The following MTM1 variants were observed in gnomAD, a reference collection of about 807,000 sequenced individuals.
The protein encoded by MTM1 is myotubularin 1.
In MTM1, 9 loss-of-function variants were observed where a neutral mutation model predicts 52.1. The observed-to-expected ratio is 0.17, with a 90% confidence interval of 0.10 to 0.30. The LOEUF (loss-of-function observed/expected upper bound fraction) is 0.30. Ranked by LOEUF, MTM1 falls within the 10% of genes least tolerant of loss-of-function variation. MTM1 has a pLI of 1.00. For synonymous variants in MTM1, 136 were observed against 163.8 expected (o/e 0.83, Z 1.29); for missense variants, 277 against 470.7 (o/e 0.59, Z 3.81).
At position 150,639,125 on chromosome X, in the gene MTM1, T is replaced by C. The variant is rs1361406259; in HGVS notation, c.528+99T>C. ...TGCTTTCTGAAAATCAGCGACATCC[T>C]TGCTAAATATCTTTTCAATGGTGGT... is the stretch of plus-strand genomic sequence containing the variant. On this transcript the variant is annotated intron_variant, in intron 7 of 14. Transcript: ENST00000370396. 5.0e-5 allele frequency: 34 copies of C among 679,720 alleles called. No homozygotes were observed. In the Admixed American group the frequency reaches 7.1e-4, roughly 14 times the overall value. The allele number at this position is 679,720 out of a possible 1,213,427, so 56.0% of individuals were successfully genotyped here. A position where few individuals can be genotyped will look rare whatever the true frequency, so the allele number is the denominator to read the frequency against.
At chrX:150,583,380 TATAATATAA>T (rs1569565319) in intron 1 of MTM1, among the ~76,000 whole-genome samples, 41 of 20,267 alleles carry the variant, frequency 2.0e-3, no homozygotes, top group Middle Eastern at 0.091. Context: ...ATATATTATA[TATAATATAA>T]TATATATAAA....
intron 6 of MTM1, among the ~76,000 whole-genome samples, chrX:150,626,389 C>T (rs1226495173): frequency 9.0e-6 from 1 of 111,600 alleles, no homozygotes; most frequent in African/African-American, 3.3e-5. Context: ...TCTCGGCTCA[C>T]TGCAACCTTC....
chrX:150,632,656 G>C (rs1438824950), intron 6 of MTM1, among the ~76,000 whole-genome samples: 1 of 111,092 alleles, frequency 9.0e-6, no homozygotes, highest in Non-Finnish European at 1.9e-5. Flanking sequence ...GCTTGAAGTG[G>C]GGCAATGGAC....
intron 1 of MTM1, among the ~76,000 whole-genome samples, chrX:150,578,023 T>A (rs2038503517): frequency 8.9e-6 from 1 of 111,801 alleles, no homozygotes; most frequent in Non-Finnish European, 1.9e-5. Flanking sequence ...GACTAGAATA[T>A]GGAAAAAGTG....
chrX:150,623,492 T>C (rs1215981276), intron 6 of MTM1, among the ~76,000 whole-genome samples: 2 of 111,063 alleles, frequency 1.8e-5, no homozygotes, highest in Admixed American at 1.9e-4. Flanking sequence ...GGAAGCATAG[T>C]TGGTTTAAAA....
intron 6 of MTM1, among the ~76,000 whole-genome samples, chrX:150,624,245 T>C (rs1258414929): frequency 8.9e-6 from 1 of 112,379 alleles, no homozygotes; most frequent in Non-Finnish European, 1.9e-5. Context: ...AAAATAGAAA[T>C]TTATTCATTT....
rs140573497 is a variant in MTM1 at position 150,637,656 on chromosome X, C to T, written c.445-1287C>T. ...GGTAACATGTTTTTTTGTAGGGTGT[C>T]GGAGAAGGTCTTACTGATTAAGATT... is the stretch of plus-strand genomic sequence containing the variant. On this transcript the variant is annotated intron_variant, in intron 6 of 14. Transcript: ENST00000370396. Among the ~76,000 whole-genome samples, 5 of 111,470 alleles carry T rather than the reference C, an allele frequency of 4.5e-5. No individual in the cohort carries two copies. The East Asian group carries it at 1.4e-3, about 31-fold the overall frequency.
At chrX:150,583,165 A>G (rs2038626570) in intron 1 of MTM1, among the ~76,000 whole-genome samples, 1 of 76,646 alleles carries the variant, frequency 1.3e-5, no homozygotes, top group Non-Finnish European at 2.3e-5. Context: ...AATTATATAT[A>G]TTATATAAAT....
chrX:150,612,503 A>G (rs186337120), intron 4 of MTM1, among the ~76,000 whole-genome samples: 204 of 110,571 alleles, frequency 1.8e-3, no homozygotes, highest in Non-Finnish European at 3.0e-3. Flanking sequence ...ACCAGCCTGG[A>G]CAACATAGTG....
chrX:150,598,240 T>C (rs1443984504), intron 3 of MTM1, among the ~76,000 whole-genome samples: 1 of 112,548 alleles, frequency 8.9e-6, no homozygotes, highest in Non-Finnish European at 1.9e-5. Context: ...GTTGCCGTCC[T>C]CTGGCTGAAG....
At position 150,671,455 on chromosome X, in the gene MTM1, A is replaced by G. The variant is rs2040394914; in HGVS notation, c.1672A>G (p.Met558Val). The G allele has an allele frequency of 3.3e-6, 4 of 1,211,363 alleles. No individual in the cohort carries two copies. The highest frequency in any genetic ancestry group is 5.9e-5 in the East Asian group (2 of 33,830). ...GCCGAATCCAGTGGAGCAGCGTTAC[A>G]TGGAGCTCTTAGCCTTACGCGACGA... Reference protein sequence around the residue: ...QQPNPVEQRYMELLALRDEYI... With the variant: ...QQPNPVEQRYVELLALRDEYI... The change falls in exon 15 of 15, where the codon ATG becomes GTG. Residue 558 changes from methionine (M) to valine (V), a missense_variant. By Grantham distance (21) the Met-to-Val change is conservative. Around this residue, in one of 4 missense-constraint regions of MTM1, gnomAD observed 51 missense variants for 52.2 expected, o/e 0.98. Transcript: ENST00000370396.
chrX:150,583,126 ATATAT>A (rs1306637517), intron 1 of MTM1, among the ~76,000 whole-genome samples: 1 of 82,476 alleles, frequency 1.2e-5, no homozygotes, highest in Non-Finnish European at 2.2e-5. Context: ...TATGTAAATT[ATATAT>A]TATATAAATT....
intron 14 of MTM1, among the ~76,000 whole-genome samples, chrX:150,664,538 T>C (rs2040274782): frequency 8.9e-6 from 1 of 112,939 alleles, no homozygotes; most frequent in African/African-American, 3.2e-5. Flanking sequence ...GCTACTCACG[T>C]GAAAGGCTTT....
At chrX:150,609,672 G>A (rs1266311594) in intron 4 of MTM1, among the ~76,000 whole-genome samples, 1 of 111,238 alleles carries the variant, frequency 9.0e-6, no homozygotes, top group Non-Finnish European at 1.9e-5. Flanking sequence ...ATCTTTTGGT[G>A]GTACCACCAC....
Position 150,641,262 on chromosome X carries a change from C to T in MTM1, c.529-7C>T. ...ATACTGACTTGAATTTCTTTTTTTC[C>T]TCACAGGGCTTGCCCAATCACCATT... On this transcript the variant is annotated splice_region_variant and splice_polypyrimidine_tract_variant and intron_variant, in intron 7 of 14. Transcript: ENST00000370396. 1 of 1,210,629 alleles carries T rather than the reference C, an allele frequency of 8.3e-7. No homozygotes were observed.
intron 10 of MTM1, among the ~76,000 whole-genome samples, chrX:150,657,229 T>C (rs62609263): frequency 3.1e-3 from 346 of 110,832 alleles, no homozygotes; most frequent in Non-Finnish European, 5.1e-3. Context: ...AACCCAAATG[T>C]CCATCAATGA....
intron 1 of MTM1, among the ~76,000 whole-genome samples, chrX:150,584,970 T>A (rs2038757206): frequency 9.0e-6 from 1 of 111,087 alleles, no homozygotes; most frequent in Non-Finnish European, 1.9e-5. Context: ...TCCCAAATAT[T>A]TTTGATCCGC....
chrX:150,613,325 T>G (rs1338253657), intron 4 of MTM1, among the ~76,000 whole-genome samples: 5 of 111,961 alleles, frequency 4.5e-5, no homozygotes, highest in African/African-American at 1.6e-4. Flanking sequence ...TGTAAATAGA[T>G]ATTTCATGTT....
intron 14 of MTM1, among the ~76,000 whole-genome samples, chrX:150,663,855 A>C (rs782603813): frequency 1.8e-5 from 2 of 112,115 alleles, no homozygotes; most frequent in South Asian, 7.4e-4. Flanking sequence ...TTAAAGCTCT[A>C]GAAAATTTGA....
Sources: allele counts gnomAD v4.1 joint callset (sites outside exome capture counted in the v4.1 genomes callset), GRCh38; gene constraint gnomAD v4.1.1; regional missense constraint gnomAD v4.1.1; transcripts MANE v1.5; gene names NCBI Gene and HGNC (gene_info 2026-07-23, HGNC 2026-07-21).